Variants in ITPK1 observed in about 807,000 individuals in gnomAD.
ITPK1 encodes the protein inositol-tetrakisphosphate 1-kinase.
ITPK1 carries 21 observed loss-of-function variants against 45.3 expected under a neutral mutation model. The ratio of observed to expected loss-of-function variants is 0.46; its 90% confidence interval spans 0.33 to 0.67. The LOEUF is 0.67. Ranked by LOEUF, ITPK1 falls within the 30% of genes least tolerant of loss-of-function variation. The pLI is 0.02. For missense variants in ITPK1, 474 were observed against 573.5 expected, an observed-to-expected ratio of 0.83 and a Z score of 1.77; for synonymous variants, 258 against 253.6, an observed-to-expected ratio of 1.02 and a Z score of -0.16.
At chr14:93,056,230 G>A (rs1250520329) in intron 3 of ITPK1, among the ~76,000 whole-genome samples, 1 of 152,224 alleles carries the variant, frequency 6.6e-6, no homozygotes. Flanking sequence ...GCCAAGCAGA[G>A]GGAACTGTCG....
intron 8 of ITPK1, among the ~76,000 whole-genome samples, chr14:92,954,369 T>C (rs1245801850): frequency 6.6e-6 from 1 of 152,176 alleles, no homozygotes; most frequent in African/African-American, 2.4e-5. Context: ...CTGAGGCAAG[T>C]GAGAAGGCAT....
rs543209366 is a variant in ITPK1 at position 93,084,609 on chromosome 14, C to A, written c.96-7990G>T. ...GTCACTGCAGCCTAACCTGGCCTAT[C>A]CTGACTAACAAGCACTCTTTCAGGG... is the stretch of plus-strand genomic sequence containing the variant. On this transcript the variant is annotated intron_variant, in intron 2 of 10. Transcript: ENST00000267615. 1.5e-3 allele frequency among the ~76,000 whole-genome samples: 231 copies of A among 152,298 alleles called. 1 individual carries two copies. Among genetic ancestry groups the A allele is most frequent in the Middle Eastern group, 3.4e-3 (1 of 294 alleles).
At chr14:92,980,928 G>A (rs542930177) in intron 5 of ITPK1, among the ~76,000 whole-genome samples, 7 of 152,178 alleles carry the variant, frequency 4.6e-5, no homozygotes, top group Non-Finnish European at 1.0e-4. Flanking sequence ...GGCTGGTCTT[G>A]AGCTCTTGAC....
intron 3 of ITPK1, chr14:93,071,953 AAGAC>A (rs1191960653): frequency 6.6e-6 from 1 of 152,150 alleles, no homozygotes; most frequent in African/African-American, 2.4e-5. Flanking sequence ...ATTGATCAAT[AAGAC>A]AGAAATATAT....
chr14:93,009,524 C>A (rs1159536084), intron 4 of ITPK1, among the ~76,000 whole-genome samples: 2 of 152,220 alleles, frequency 1.3e-5, no homozygotes, highest in African/African-American at 4.8e-5. Flanking sequence ...AACGGGCTAA[C>A]GGCACAGAAT....
intron 3 of ITPK1, among the ~76,000 whole-genome samples, chr14:93,045,554 A>T (rs1332749822): frequency 1.3e-5 from 2 of 152,116 alleles, no homozygotes; most frequent in African/African-American, 4.8e-5. Flanking sequence ...CAGGAGGAGG[A>T]GGTGAGAGGA....
intron 5 of ITPK1, among the ~76,000 whole-genome samples, chr14:92,980,649 C>A (rs886525737): frequency 1.3e-5 from 2 of 152,138 alleles, no homozygotes; most frequent in African/African-American, 4.8e-5. Flanking sequence ...TGGGGGCCTA[C>A]AAAGGGTCCC....
intron 3 of ITPK1, among the ~76,000 whole-genome samples, chr14:93,062,270 C>CAA (rs34423706): frequency 2.0e-4 from 30 of 148,396 alleles, no homozygotes; most frequent in South Asian, 4.3e-4. Context: ...GATTCCATCT[C>CAA]AAAAAAAAAA....
chr14:93,049,619 T>A (rs1167964677), intron 3 of ITPK1, among the ~76,000 whole-genome samples: 1 of 151,456 alleles, frequency 6.6e-6, no homozygotes, highest in Non-Finnish European at 1.5e-5. Flanking sequence ...ATATTCTCGA[T>A]GAAAGATCAT....
At chr14:93,084,050 G>A (rs1891555286) in intron 2 of ITPK1, among the ~76,000 whole-genome samples, 1 of 152,238 alleles carries the variant, frequency 6.6e-6, no homozygotes. Context: ...CTTGCCTTGG[G>A]CAATGAGATG....
At chr14:92,985,407 A>G (rs1205620456) in intron 5 of ITPK1, among the ~76,000 whole-genome samples, 1 of 152,112 alleles carries the variant, frequency 6.6e-6, no homozygotes, top group Admixed American at 6.6e-5. Flanking sequence ...CAAAGGGTAT[A>G]TGGGAACTCT....
At chr14:92,995,610 G>A (rs546258660) in intron 4 of ITPK1, among the ~76,000 whole-genome samples, 6 of 152,244 alleles carry the variant, frequency 3.9e-5, no homozygotes, top group South Asian at 2.1e-4. Context: ...GGGAGGCCTC[G>A]CATTCCAGTC....
In ITPK1 at chr14:93,036,076, C is replaced by T. The variant is rs930314385; in HGVS notation, c.121-19275G>A. On this transcript the variant is annotated intron_variant, in intron 3 of 10. Coordinates refer to ENST00000267615, the MANE Select transcript of ITPK1 (RefSeq NM_014216.6). This position sits in a 1 kb window ranked among gnomAD's most constrained non-coding sequence, Gnocchi z 4.1. ...GGAGCACTCGCCAAGCCCAAGGCCA[C>T]CCTTTCCAAGAAAGGGCTACGAAAG... 6.6e-6 allele frequency among the ~76,000 whole-genome samples: 1 copy of T among 152,206 alleles called. No individual in the cohort carries two copies. The highest frequency in any genetic ancestry group is 1.5e-5 in the Non-Finnish European group (1 of 68,026).
intron 5 of ITPK1, among the ~76,000 whole-genome samples, chr14:92,963,758 A>G (rs907504893): frequency 4.6e-5 from 7 of 152,266 alleles, no homozygotes; most frequent in Admixed American, 2.0e-4. Flanking sequence ...TTGTGGGATA[A>G]CAAAATGTAT....
chr14:93,092,943 G>A (rs9323887), intron 2 of ITPK1, among the ~76,000 whole-genome samples: 1 of 152,114 alleles, frequency 6.6e-6, no homozygotes, highest in Non-Finnish European at 1.5e-5. Context: ...GCCACGGCGC[G>A]TGCCTCCAGG....
intron 4 of ITPK1, among the ~76,000 whole-genome samples, chr14:93,007,925 A>G (rs1487893255): frequency 4.6e-5 from 7 of 152,178 alleles, no homozygotes; most frequent in Non-Finnish European, 7.3e-5. Context: ...GCCATCAAAG[A>G]GGGGAGCTGG....
chr14:93,107,114 T>A (rs1415717616), intron 2 of ITPK1, among the ~76,000 whole-genome samples: 1 of 152,140 alleles, frequency 6.6e-6, no homozygotes, highest in African/African-American at 2.4e-5. Context: ...CCTGCCACCA[T>A]GCCCTGCTAA....
chr14:93,001,296 AAAACAAACAAACAAAC>A (rs139436466), intron 4 of ITPK1, among the ~76,000 whole-genome samples: 2,339 of 150,996 alleles, frequency 0.015, 62 homozygotes, highest in African/African-American at 0.054. Context: ...TGTCTCAGGA[AAAACAAACAAACAAAC>A]AAACAAACAA....
intron 5 of ITPK1, among the ~76,000 whole-genome samples, chr14:92,978,952 G>A (rs1230995071): frequency 2.0e-5 from 3 of 152,114 alleles, no homozygotes; most frequent in East Asian, 1.9e-4. Context: ...CAGATCCACC[G>A]AGAGCTTATA....
Sources: gnomAD v4.1 joint callset for allele counts (sites outside exome capture counted in the v4.1 genomes callset) on GRCh38, gnomAD v4.1.1 for gene constraint, Gnocchi (gnomAD v3.1) non-coding constraint, MANE v1.5 for transcripts, NCBI Gene and HGNC (gene_info 2026-07-23, HGNC 2026-07-21) for gene names.